PTPRU: variants seen among roughly 807,000 people sequenced by gnomAD.
PTPRU encodes protein tyrosine phosphatase receptor type U.
Under a neutral mutation model 166.3 loss-of-function variants are expected in PTPRU, and 69 were observed. That is an observed-to-expected ratio of 0.41 (90% CI 0.34 to 0.51). The LOEUF (loss-of-function observed/expected upper bound fraction) is 0.51, where lower values mean the gene tolerates loss of function less well. PTPRU is among the 20% of genes least tolerant of loss of function. The pLI is 0.09. For synonymous variants in PTPRU, 793 were observed against 814.0 expected (o/e 0.97, Z 0.44); for missense variants, 1,657 against 2,013.7 (o/e 0.82, Z 3.39).
Position 29,258,541 on chromosome 1 carries a change from C to T in PTPRU, c.242C>T (p.Pro81Leu). Reference protein sequence around the residue: ...YLMVNTSQHAPGQRAHVIFQS... With the variant: ...YLMVNTSQHALGQRAHVIFQS... ...ATGGTCAACACTTCCCAGCATGCCC[C>T]AGGCCAGCGAGCCCATGTCATCTTC... The change falls in exon 3 of 30, where the codon CCA (proline) becomes CTA (leucine). Residue 81 changes from proline (P) to leucine (L), a missense_variant. Around this residue, in one of 3 missense-constraint regions of PTPRU, gnomAD observed 453 missense variants for 496.9 expected, o/e 0.91. Coordinates refer to ENST00000373779, the MANE Select transcript of PTPRU (RefSeq NM_133178.4). 1.9e-6 allele frequency: 3 copies of T among 1,614,184 alleles called. No individual in the cohort carries two copies. Among genetic ancestry groups the T allele is most frequent in the Non-Finnish European group, 2.5e-6 (3 of 1,180,008 alleles).
chr1:29,301,621 A>G (rs1231923493), intron 15 of PTPRU, among the ~76,000 whole-genome samples: 1 of 152,160 alleles, frequency 6.6e-6, no homozygotes, highest in Non-Finnish European at 1.5e-5. Context: ...TCTAGGGTAC[A>G]TGTGCACAAT....
chr1:29,258,188 C>T (rs1251121235), intron 2 of PTPRU, among the ~76,000 whole-genome samples: 3 of 152,222 alleles, frequency 2.0e-5, no homozygotes, highest in African/African-American at 4.8e-5. Flanking sequence ...TGGTCTCGAA[C>T]TGCTGACCTC....
At chr1:29,259,115 G>C (rs1278288557) in intron 3 of PTPRU, 146 bp from the exon 4 acceptor site, 1 of 936,592 alleles carries the variant, frequency 1.1e-6, no homozygotes, top group Admixed American at 2.9e-5. Flanking sequence ...CCCCCAACTA[G>C]CTGGCTTGGG....
Position 29,312,548 on chromosome 1 carries a change from C to T in PTPRU, c.3073-4C>T, listed in dbSNP as rs972055513. ...TCTGATTATTATTCCCATTGTCTCC[C>T]CAGAGAGGCTACTCTGCCCGGCACG... On this transcript the variant is annotated splice_region_variant and splice_polypyrimidine_tract_variant and intron_variant, in intron 21 of 29. Coordinates refer to ENST00000373779, the MANE Select transcript of PTPRU (RefSeq NM_133178.4). The T allele has an allele frequency of 6.3e-7, 1 of 1,581,478 alleles. No homozygotes were observed. Among genetic ancestry groups the T allele is most frequent in the African/African-American group, 1.3e-5 (1 of 74,386 alleles).
At chr1:29,301,957 C>T (rs1021031589) in intron 15 of PTPRU, among the ~76,000 whole-genome samples, 1 of 152,084 alleles carries the variant, frequency 6.6e-6, no homozygotes, top group Non-Finnish European at 1.5e-5. Flanking sequence ...TGTGTATGTG[C>T]CACATTTTCT....
rs1056681331 is a variant in PTPRU at position 29,315,628 on chromosome 1, A to T, written c.3363+121A>T. On this transcript the variant is annotated intron_variant, in intron 23 of 29. Coordinates refer to ENST00000373779, the MANE Select transcript of PTPRU (RefSeq NM_133178.4). The surrounding 1 kb of genome is among the most constrained non-coding windows in gnomAD (Gnocchi z 4.5). The stretch of plus-strand genomic sequence containing the variant: ...TCCTGAGGCTCTTGCCTTCCCTCAG[A>T]TCATCCCTGACCTTGGGCCGCCAAC... The T allele has an allele frequency of 7.8e-6, 11 of 1,419,246 alleles. No individual in the cohort carries two copies. In the African/African-American group the frequency reaches 1.5e-4, roughly 20 times the overall value. 87.9% of individuals were successfully genotyped at this position (1,419,246 alleles called of 1,614,324 possible). A position where few individuals can be genotyped will look rare whatever the true frequency, so the allele number is the denominator to read the frequency against.
rs1476057750 is a variant in PTPRU at position 29,311,274 on chromosome 1, C to G, written c.2858-182C>G. 3 of 623,574 alleles carry G rather than the reference C, an allele frequency of 4.8e-6. No homozygotes were observed. The highest frequency in any genetic ancestry group is 2.9e-5 in the Admixed American group (1 of 34,706). 38.6% of individuals were successfully genotyped at this position (623,574 alleles called of 1,614,324 possible). A position where few individuals can be genotyped will look rare whatever the true frequency, so the allele number is the denominator to read the frequency against. On this transcript the variant is annotated intron_variant, in intron 19 of 29. Transcript: ENST00000373779. This position sits in a 1 kb window ranked among gnomAD's most constrained non-coding sequence, Gnocchi z 4.1. Reference sequence around the variant, plus strand: ...TTAGCCAGGCCCTCTCCTGATGCTACCCAACCTCAGGGCCCTACAGGCATG... The same window carrying G: ...TTAGCCAGGCCCTCTCCTGATGCTAGCCAACCTCAGGGCCCTACAGGCATG...
At chr1:29,264,878 G>T (rs1685228926) in intron 7 of PTPRU, among the ~76,000 whole-genome samples, 2 of 152,112 alleles carry the variant, frequency 1.3e-5, no homozygotes, top group Non-Finnish European at 2.9e-5. Context: ...ACTGGAATTG[G>T]TTTCTTTCAT....
intron 14 of PTPRU, among the ~76,000 whole-genome samples, chr1:29,288,139 A>C (rs1686446964): frequency 6.6e-6 from 1 of 152,206 alleles, no homozygotes; most frequent in Non-Finnish European, 1.5e-5. Flanking sequence ...TTTTTAAAGA[A>C]GAAAGTGGAA....
In PTPRU at chr1:29,275,763, G is replaced by T; in HGVS notation, c.1453+7G>T. 6.2e-7 allele frequency: 1 copy of T among 1,611,844 alleles called. No homozygotes were observed. Among genetic ancestry groups the T allele is most frequent in the Non-Finnish European group, 8.5e-7 (1 of 1,178,108 alleles). On this transcript the variant is annotated splice_region_variant and intron_variant, in intron 8 of 29. Transcript: ENST00000373779. ...TTCCAGACGGATGAGGATGGTAAGA[G>T]TCTCAGTCCCAATTCCCGGGGCCCT... is the stretch of plus-strand genomic sequence containing the variant.
Position 29,311,829 on chromosome 1 carries a change from C to T in PTPRU, c.3072+70C>T. ...GGGATTAGAGCCCACTCCCACTTCC[C>T]CCAGCCCTGGGAGCAGGAGGGTGAG... On this transcript the variant is annotated intron_variant, in intron 21 of 29. Transcript: ENST00000373779. This position sits in a 1 kb window ranked among gnomAD's most constrained non-coding sequence, Gnocchi z 4.1. 1 of 1,447,524 alleles carries T rather than the reference C, an allele frequency of 6.9e-7. No individual in the cohort carries two copies. The allele number at this position is 1,447,524 out of a possible 1,614,324, so 89.7% of individuals were successfully genotyped here.
chr1:29,259,843 C>G (rs1181481136), intron 5 of PTPRU, 27 bp from the exon 6 acceptor site: 1 of 1,519,534 alleles, frequency 6.6e-7, no homozygotes, highest in Non-Finnish European at 8.8e-7. Context: ...CGAGGCGCCC[C>G]TGACCCCCTC....
chr1:29,259,604 A>C (rs754749309), intron 5 of PTPRU, 40 bp downstream of exon 5: 4 of 282,236 alleles, frequency 1.4e-5, no homozygotes, highest in African/African-American at 3.8e-5. Flanking sequence ...GCGGGGTGGG[A>C]GGGGGTTGGT....
chr1:29,279,575 C>T lies in PTPRU; in HGVS notation c.1683C>T (p.Thr561=), dbSNP rs769972938. 6 of 1,614,058 alleles carry T rather than the reference C, an allele frequency of 3.7e-6. No homozygotes were observed. The highest frequency in any genetic ancestry group is 5.1e-6 in the Non-Finnish European group (6 of 1,180,052). The change falls in exon 10 of 30, where the codon ACC becomes ACT. Residue 561 remains threonine, a synonymous_variant. Transcript: ENST00000373779. The surrounding 1 kb of genome is among the most constrained non-coding windows in gnomAD (Gnocchi z 5.2). Reference sequence around the variant, plus strand: ...TCTTCTCCAACCTGCACCCAGGCACCACCTACCTGTTCTCCGTGCGGGCCC... The same window carrying T: ...TCTTCTCCAACCTGCACCCAGGCACTACCTACCTGTTCTCCGTGCGGGCCC... ...YHVFSNLHPG[T]TYLFSVRART... is the part of the protein sequence containing the mutation.
chr1:29,304,842 G>A lies in PTPRU; in HGVS notation c.2736G>A (p.Met912Ile). 1 of 1,610,740 alleles carries A rather than the reference G, an allele frequency of 6.2e-7. No individual in the cohort carries two copies. The highest frequency in any genetic ancestry group is 8.5e-7 in the Non-Finnish European group (1 of 1,177,322). The change falls in exon 17 of 30, where the codon ATG becomes ATA. Residue 912 changes from methionine to isoleucine, a missense_variant. Physicochemically the swap from Met to Ile is conservative, Grantham distance 10. Transcript: ENST00000373779. ...DKVKGSRQEP[M>I]PAYDRHRVKL... is the part of the protein sequence containing the mutation. ...TCAAGGGCAGCCGGCAGGAGCCAAT[G>A]CCTGCCTGTGAGTCCTGGGGAAGGG...
Position 29,283,926 on chromosome 1 carries a change from A to G in PTPRU, c.2143-14A>G. On this transcript the variant is annotated splice_polypyrimidine_tract_variant and intron_variant, in intron 12 of 29. Transcript: ENST00000373779. ...GGGCTTCAGCAACGCTGAGACCCCC[A>G]TCTGTGCCTCCAGGAGACCCGGCTG... 6.2e-7 allele frequency: 1 copy of G among 1,613,990 alleles called. No individual in the cohort carries two copies. The highest frequency in any genetic ancestry group is 8.5e-7 in the Non-Finnish European group (1 of 1,180,002).
At chr1:29,324,808 C>T (rs1688328517) in intron 28 of PTPRU, among the ~76,000 whole-genome samples, 1 of 151,338 alleles carries the variant, frequency 6.6e-6, no homozygotes, top group Non-Finnish European at 1.5e-5. Context: ...TCTGGGTCCT[C>T]TGCCCCGCCC....
Position 29,312,653 on chromosome 1 carries a change from G to A in PTPRU, c.3174G>A (p.Arg1058=). Reference sequence around the variant, plus strand: ...CCACGGGGCTGCTGGCTTTCATCCGGCGCGTGAAGGCCTCCACCCCACCTG... The same window carrying A: ...CCACGGGGCTGCTGGCTTTCATCCGACGCGTGAAGGCCTCCACCCCACCTG... ...YHATGLLAFI[R]RVKASTPPDA... is the part of the protein sequence containing the mutation. The change falls in exon 22 of 30, where the codon CGG becomes CGA. Residue 1058 remains arginine (R), a synonymous_variant. Transcript: ENST00000373779. 2 of 1,611,604 alleles carry A rather than the reference G, an allele frequency of 1.2e-6. No homozygotes were observed. Among genetic ancestry groups the A allele is most frequent in the Non-Finnish European group, 1.7e-6 (2 of 1,178,288 alleles).
intron 28 of PTPRU, among the ~76,000 whole-genome samples, chr1:29,324,660 A>C (rs1464902510): frequency 6.6e-6 from 1 of 151,914 alleles, no homozygotes; most frequent in Non-Finnish European, 1.5e-5. Context: ...TTTCTCTTGG[A>C]GTGTGTCTGG....
Sources: allele counts gnomAD v4.1 joint callset (sites outside exome capture counted in the v4.1 genomes callset), GRCh38; gene constraint gnomAD v4.1.1; regional missense constraint gnomAD v4.1.1; non-coding constraint Gnocchi (gnomAD v3.1); transcripts MANE v1.5; gene names NCBI Gene and HGNC (gene_info 2026-07-23, HGNC 2026-07-21).